The following PIEZO1 variants were observed in gnomAD, a reference collection of about 807,000 sequenced individuals.
PIEZO1 encodes piezo-type mechanosensitive ion channel component 1.
A neutral mutation model predicts 297.2 loss-of-function variants in PIEZO1; 296 were observed. The ratio of observed to expected loss-of-function variants is 1.00; its 90% CI spans 0.91 to 1.10. The LOEUF is 1.10. Ranked by LOEUF, PIEZO1 falls within the 50% of genes least tolerant of loss-of-function variation. The pLI, the probability that PIEZO1 is intolerant of heterozygous loss-of-function variation, is 0.00. For missense variants in PIEZO1, 5,018 were observed against 3,455.5 expected (o/e 1.45, Z -11.34); for synonymous variants, 2,427 against 1,507.5 (o/e 1.61, Z -14.13).
intron 1 of PIEZO1, among the ~76,000 whole-genome samples, chr16:88,779,954 C>A (rs1322662185): frequency 6.6e-6 from 1 of 152,222 alleles, no homozygotes; most frequent in Admixed American, 6.5e-5. Flanking sequence ...GGTGTGAGAT[C>A]CAAAGCCCGA....
At chr16:88,773,261 C>T (rs1907508119) in intron 1 of PIEZO1, among the ~76,000 whole-genome samples, 1 of 152,258 alleles carries the variant, frequency 6.6e-6, no homozygotes, top group African/African-American at 2.4e-5. Context: ...GAGGGGAGGC[C>T]TGAGTCAGGA....
chr16:88,757,286 T>G (rs1906710507), intron 1 of PIEZO1, among the ~76,000 whole-genome samples: 1 of 104,740 alleles, frequency 9.5e-6, no homozygotes, highest in Non-Finnish European at 1.8e-5. Context: ...CAGCACCTGG[T>G]GCAGGCCCTG....
intron 50 of PIEZO1, 39 bp from the exon 51 acceptor site, chr16:88,715,893 C>T (rs1332740365): frequency 1.9e-6 from 3 of 1,539,450 alleles, no homozygotes; most frequent in Non-Finnish European, 2.6e-6. Context: ...CCGCCCGGAG[C>T]CCCCCGAGCT....
chr16:88,731,773 G>C lies in PIEZO1; in HGVS notation c.3129C>G (p.Leu1043=). 6.5e-7 allele frequency: 1 copy of C among 1,549,682 alleles called. No individual in the cohort carries two copies. The highest frequency in any genetic ancestry group is 8.7e-7 in the Non-Finnish European group (1 of 1,146,804). The change falls in exon 22 of 51, where the codon CTC becomes CTG. Residue 1043 remains leucine (L), a synonymous_variant. Transcript: ENST00000301015. ...AIARLWPNYC[L]FLALFLLYQY... Reference sequence around the variant, plus strand: ...GGTACAGCAGGAACAGCGCCAGGAAGAGGCAGTAGTTGGGCCAGAGGCGGG... The same window carrying C: ...GGTACAGCAGGAACAGCGCCAGGAACAGGCAGTAGTTGGGCCAGAGGCGGG...
intron 31 of PIEZO1, 22 bp from the exon 32 acceptor site, chr16:88,723,350 A>T: frequency 6.5e-7 from 1 of 1,536,064 alleles, no homozygotes. Context: ...CCCCCGGGTT[A>T]GGACCCGGCC....
chr16:88,753,451 C>T (rs536554442), intron 1 of PIEZO1, among the ~76,000 whole-genome samples: 2 of 151,900 alleles, frequency 1.3e-5, no homozygotes, highest in Middle Eastern at 3.4e-3. Context: ...GGCAGCCTCA[C>T]GGGTGGGATG....
intron 1 of PIEZO1, among the ~76,000 whole-genome samples, chr16:88,769,981 C>G (rs1319538081): frequency 6.6e-6 from 1 of 152,196 alleles, no homozygotes; most frequent in Non-Finnish European, 1.5e-5. Context: ...CCCTCCTAAC[C>G]TACTCCAACC....
At chr16:88,718,120 G>GAAA (rs1385118960) in intron 44 of PIEZO1, 1 of 187,470 alleles carries the variant, frequency 5.3e-6, no homozygotes, top group African/African-American at 2.5e-5. Flanking sequence ...CATTTCCCCA[G>GAAA]AGAAGATACA....
intron 1 of PIEZO1, among the ~76,000 whole-genome samples, chr16:88,756,900 C>G (rs1266194181): frequency 1.3e-5 from 2 of 151,988 alleles, no homozygotes; most frequent in Admixed American, 1.3e-4. Context: ...CATGGTGAAA[C>G]CCTGTCTCTA....
At chr16:88,721,760 T>G (rs1363792240) in intron 37 of PIEZO1, 34 bp from the exon 38 acceptor site, 3 of 1,526,708 alleles carry the variant, frequency 2.0e-6, no homozygotes, top group African/African-American at 1.4e-5. Context: ...GCGGGGAGGG[T>G]CACGGCGCGG....
In PIEZO1 at chr16:88,725,947, C is replaced by T. The variant is rs1904393699; in HGVS notation, c.3969-263G>A. 6 of 568,690 alleles carry T rather than the reference C, an allele frequency of 1.1e-5. 1 individual carries two copies. Among genetic ancestry groups the T allele is most frequent in the South Asian group, 8.7e-5 (4 of 46,106 alleles). The allele number at this position is 568,690 out of a possible 1,614,324, so 35.2% of individuals were successfully genotyped here. On this transcript the variant is annotated intron_variant, in intron 27 of 50. Coordinates refer to ENST00000301015, the MANE Select transcript of PIEZO1 (RefSeq NM_001142864.4). Reference sequence around the variant, plus strand: ...TGCAGGGAAGAAGGCAAAGCTGGCCCCAAGCCAGAACCCCTCCCTGGGGCA... The same window carrying T: ...TGCAGGGAAGAAGGCAAAGCTGGCCTCAAGCCAGAACCCCTCCCTGGGGCA...
In PIEZO1 at chr16:88,725,075, CG is replaced by C; in HGVS notation, c.4167del (p.Asp1390ThrfsTer63). 1 of 1,511,762 alleles carries C rather than the reference CG, an allele frequency of 6.6e-7. No individual in the cohort carries two copies. The allele number at this position is 1,511,762 out of a possible 1,614,324, so 93.6% of individuals were successfully genotyped here. The stretch of plus-strand genomic sequence containing the variant: ...GGCGGGGAGGAGCCCCCTGGACTGT[CG>C]GGCCCTGTGGAGGGGCAGGGTGAGC... The part of the protein sequence containing the change: ...GPKDPGLEPG[P>X]DSPGGSSPPR... On this transcript the variant is annotated frameshift_variant, in exon 30 of 51. Transcript: ENST00000301015. LOFTEE classifies it high-confidence loss of function.
rs765168535 is a variant in PIEZO1 at position 88,720,504 on chromosome 16, G to A, written c.5830C>T (p.Arg1944Cys). 31 of 1,550,062 alleles carry A rather than the reference G, an allele frequency of 2.0e-5. No individual in the cohort carries two copies. The highest frequency in any genetic ancestry group is 2.7e-5 in the African/African-American group (2 of 73,030). ...GTGTGCAGGATGTCGTGGAAGAAGC[G>A]CCGTAGCGGCCGATATGTGCCCTGG... ...LAQGTYRPLR[R>C]FFHDILHTKY... The change falls in exon 41 of 51, where the codon CGC becomes TGC. Residue 1944 changes from arginine (R) to cysteine (C), a missense_variant. By Grantham distance (180) the Arg-to-Cys change is radical. Coordinates refer to ENST00000301015, the MANE Select transcript of PIEZO1 (RefSeq NM_001142864.4).
At chr16:88,746,833 G>A (rs1358817762) in intron 2 of PIEZO1, among the ~76,000 whole-genome samples, 1 of 152,196 alleles carries the variant, frequency 6.6e-6, no homozygotes, top group Non-Finnish European at 1.5e-5. Context: ...ATTGCGCCCT[G>A]GGCATGAAAT....
rs1024322651 is a variant in PIEZO1 at position 88,734,697 on chromosome 16, C to A, written c.1950G>T (p.Gln650His). The A allele has an allele frequency of 1.9e-6, 3 of 1,550,228 alleles. No individual in the cohort carries two copies. Among genetic ancestry groups the A allele is most frequent in the Non-Finnish European group, 2.6e-6 (3 of 1,146,942 alleles). ...VLIAVYTFQF[Q>H]DFPAYWRNLT... Reference sequence around the variant, plus strand: ...GGTTGCGCCAGTAGGCAGGGAAGTCCTGGAACTGGAAGGTGTAGACGGCGA... The same window carrying A: ...GGTTGCGCCAGTAGGCAGGGAAGTCATGGAACTGGAAGGTGTAGACGGCGA... The change falls in exon 15 of 51, where the codon CAG (glutamine) becomes CAT (histidine). Residue 650 changes from glutamine to histidine, a missense_variant. Physicochemically the swap from Gln to His is conservative, Grantham distance 24. Coordinates refer to ENST00000301015, the MANE Select transcript of PIEZO1 (RefSeq NM_001142864.4).
intron 16 of PIEZO1, 39 bp downstream of exon 16, chr16:88,734,317 A>G: frequency 6.8e-7 from 1 of 1,462,830 alleles, no homozygotes; most frequent in South Asian, 1.4e-5. Context: ...CCAGGAGGCT[A>G]CACCTCTCCA....
intron 1 of PIEZO1, among the ~76,000 whole-genome samples, chr16:88,778,852 CGAGGCACAAG>C (rs1312733119): frequency 9.9e-5 from 15 of 152,268 alleles, no homozygotes; most frequent in African/African-American, 3.4e-4. Flanking sequence ...CAGCAGCCGC[CGAGGCACAAG>C]GCTGTGGCCC....
rs1481794173 is a variant in PIEZO1, at chr16:88,715,355, A to G, written c.*250T>C. The G allele has an allele frequency of 8.0e-7, 1 of 1,248,274 alleles. No homozygotes were observed. The highest frequency in any genetic ancestry group is 2.5e-5 in the East Asian group (1 of 39,614). 77.3% of individuals were successfully genotyped at this position (1,248,274 alleles called of 1,614,324 possible). A position where few individuals can be genotyped will look rare whatever the true frequency, so the allele number is the denominator to read the frequency against. On this transcript the variant is annotated 3_prime_UTR_variant, in exon 51 of 51. Coordinates refer to ENST00000301015, the MANE Select transcript of PIEZO1 (RefSeq NM_001142864.4). ...GACTGGCCTCTGATTGTCCATTTGT[A>G]TAAATAAAACATTTTTTAATTAAAA...
At chr16:88,729,803 C>T (rs1175536273) in intron 22 of PIEZO1, among the ~76,000 whole-genome samples, 3 of 147,402 alleles carry the variant, frequency 2.0e-5, no homozygotes, top group Non-Finnish European at 4.5e-5. Flanking sequence ...ACAGCCCCAT[C>T]TGCCACAGAG....
Sources: gnomAD v4.1 joint callset for allele counts (sites outside exome capture counted in the v4.1 genomes callset) on GRCh38, gnomAD v4.1.1 for gene constraint, MANE v1.5 for transcripts, NCBI Gene and HGNC (gene_info 2026-07-23, HGNC 2026-07-21) for gene names.